Variants in USP9X observed in about 807,000 individuals in gnomAD.
USP9X encodes ubiquitin carboxyl-terminal hydrolase 9X.
A neutral mutation model predicts 190.3 loss-of-function variants in USP9X; 7 were observed. That is an observed-to-expected ratio of 0.04 (90% CI 0.02 to 0.07). The LOEUF is 0.07. Among genes scored for constraint, USP9X ranks in the 10% least tolerant of loss-of-function variants. USP9X has a pLI of 1.00. For synonymous variants in USP9X, 645 were observed against 659.5 expected, an observed-to-expected ratio of 0.98 and a Z score of 0.34; for missense variants, 1,010 against 1,916.9, an observed-to-expected ratio of 0.53 and a Z score of 8.83.
At chrX:41,223,099 T>C (rs1294553800) in intron 38 of USP9X, 118 bp from the exon 39 acceptor site, 1 of 705,747 alleles carries the variant, frequency 1.4e-6, no homozygotes, top group East Asian at 3.6e-5. Flanking sequence ...TCATAAAAAT[T>C]ATAGACAAGA....
At chrX:41,205,600 C>A in intron 32 of USP9X, 107 bp downstream of exon 32, 2 of 714,238 alleles carry the variant, frequency 2.8e-6, no homozygotes, top group African/African-American at 2.3e-5. Flanking sequence ...TTTTTAAGCA[C>A]TGGTAATATT....
In USP9X at chrX:41,168,174, T is replaced by C; in HGVS notation, c.2592T>C (p.Cys864=). 26 of 1,209,176 alleles carry C rather than the reference T, an allele frequency of 2.2e-5. No homozygotes were observed. Among genetic ancestry groups the C allele is most frequent in the Non-Finnish European group, 2.9e-5 (26 of 894,361 alleles). ...TTTTAAGGGAATATATAAATGAATG[T>C]GACAGTGATTATCATGAGGAAAGAA... is the stretch of plus-strand genomic sequence containing the variant. The part of the protein sequence containing the change: ...LTVLREYINE[C]DSDYHEERTI... The change falls in exon 18 of 45, where the codon TGT becomes TGC. Residue 864 remains cysteine, a synonymous_variant. Coordinates refer to ENST00000378308, the MANE Select transcript of USP9X (RefSeq NM_001039591.3).
In USP9X at chrX:41,168,180, T is replaced by C. The variant is rs1248838487; in HGVS notation, c.2598T>C (p.Ser866=). The C allele has an allele frequency of 8.3e-7, 1 of 1,208,665 alleles. No homozygotes were observed. The highest frequency in any genetic ancestry group is 1.8e-5 in the South Asian group (1 of 56,094). Residue 866 remains serine (S), a synonymous_variant, in exon 18 of 45, where the codon AGT becomes AGC. Transcript: ENST00000378308. Reference sequence around the variant, plus strand: ...GGGAATATATAAATGAATGTGACAGTGATTATCATGAGGAAAGAACAATTC... The same window carrying C: ...GGGAATATATAAATGAATGTGACAGCGATTATCATGAGGAAAGAACAATTC... The part of the protein sequence containing the change: ...VLREYINECD[S]DYHEERTILP...
Position 41,198,570 on chromosome X carries a change from C to T in USP9X, c.4423C>T (p.Leu1475=). 8.3e-7 allele frequency: 1 copy of T among 1,208,208 alleles called. No homozygotes were observed. Among genetic ancestry groups the T allele is most frequent in the South Asian group, 1.8e-5 (1 of 56,082 alleles). The change falls in exon 30 of 45, where the codon CTA becomes TTA. Residue 1475 remains leucine (L), a synonymous_variant. Coordinates refer to ENST00000378308, the MANE Select transcript of USP9X (RefSeq NM_001039591.3). ...DFIFPASNVY[L]QYMRNGELPA... ...CATATTTCCTGCATCCAATGTTTAC[C>T]TACAGTATATGAGAAATGGAGAGCT...
chrX:41,130,702 T>C (rs1249758135), intron 3 of USP9X, among the ~76,000 whole-genome samples: 1 of 103,104 alleles, frequency 9.7e-6, no homozygotes, highest in African/African-American at 3.6e-5. Flanking sequence ...GCCAGGATGG[T>C]CTTGATCTCT....
At chrX:41,200,508 T>TA (rs1307595553) in intron 30 of USP9X, among the ~76,000 whole-genome samples, 1 of 111,689 alleles carries the variant, frequency 9.0e-6, no homozygotes, top group Non-Finnish European at 1.9e-5. Context: ...GCATTATAGA[T>TA]ATCAGGAAAG....
chrX:41,199,245 C>T lies in USP9X; in HGVS notation c.4603+495C>T, dbSNP rs752093985. On this transcript the variant is annotated intron_variant, in intron 30 of 44. Transcript: ENST00000378308. ...AATAAGACCATTATAAGCAGACCAC[C>T]TTGTATAGAAAAAAATTCAAACATT... 2.7e-5 allele frequency among the ~76,000 whole-genome samples: 3 copies of T among 111,244 alleles called. No individual in the cohort carries two copies. The East Asian group carries it at 8.5e-4, about 31-fold the overall frequency.
chrX:41,140,968 C>A lies in USP9X; in HGVS notation c.773C>A (p.Pro258Gln). ...NVQIIAALIK[P>Q]FGQCYEFLTL... ...GTTTTGTATCTTTCTTATTTCAGAC[C>A]ATTTGGGCAATGCTATGAGTTTCTC... Residue 258 changes from proline (P) to glutamine (Q), a missense_variant and splice_region_variant, in exon 8 of 45, where the codon CCA (proline) becomes CAA (glutamine). Pro to Gln is a moderately conservative substitution (Grantham distance 76). Around this residue, in one of 11 missense-constraint regions of USP9X, gnomAD observed 176 missense variants for 247.5 expected, o/e 0.71. Coordinates refer to ENST00000378308, the MANE Select transcript of USP9X (RefSeq NM_001039591.3). 8.5e-7 allele frequency: 1 copy of A among 1,172,868 alleles called. No homozygotes were observed. The highest frequency in any genetic ancestry group is 2.0e-5 in the South Asian group (1 of 49,892).
chrX:41,128,761 A>G (rs2062279697), intron 2 of USP9X, among the ~76,000 whole-genome samples: 1 of 111,826 alleles, frequency 8.9e-6, no homozygotes, highest in African/African-American at 3.3e-5. Context: ...TTATTATGCT[A>G]TATTGTTTGG....
At chrX:41,205,519 A>G in intron 32 of USP9X, 26 bp downstream of exon 32, 1 of 1,153,694 alleles carries the variant, frequency 8.7e-7, no homozygotes, top group Non-Finnish European at 1.2e-6. Context: ...ACAGTAATAG[A>G]GATACTTCTT....
At chrX:41,177,615 C>G (rs1029896883) in intron 21 of USP9X, among the ~76,000 whole-genome samples, 6 of 111,964 alleles carry the variant, frequency 5.4e-5, no homozygotes, top group African/African-American at 1.9e-4. Flanking sequence ...TTTGAGACTT[C>G]GTAACTATCT....
chrX:41,106,961 A>G (rs1216105979), intron 1 of USP9X, among the ~76,000 whole-genome samples: 9 of 94,561 alleles, frequency 9.5e-5, no homozygotes, highest in Middle Eastern at 5.3e-3. Flanking sequence ...ATCTCGGCTC[A>G]CTGCAACCTC....
chrX:41,208,815 C>T (rs754683117), intron 32 of USP9X, among the ~76,000 whole-genome samples: 1 of 110,365 alleles, frequency 9.1e-6, no homozygotes, highest in Non-Finnish European at 1.9e-5. Context: ...TCACACCATT[C>T]TCCTGCCTCA....
intron 38 of USP9X, 50 bp from the exon 39 acceptor site, chrX:41,223,167 C>T (rs1431759067): frequency 8.8e-7 from 1 of 1,138,371 alleles, no homozygotes; most frequent in Non-Finnish European, 1.2e-6. Flanking sequence ...ATTTTTTCCT[C>T]ATATTTTTCT....
intron 41 of USP9X, among the ~76,000 whole-genome samples, chrX:41,226,993 C>T (rs952029805): frequency 2.7e-5 from 3 of 111,422 alleles, no homozygotes; most frequent in African/African-American, 6.5e-5. Flanking sequence ...CAGTTTTAAA[C>T]CAGTTAATCA....
chrX:41,153,011 T>C lies in USP9X; in HGVS notation c.1827T>C (p.Asn609=). 8.3e-7 allele frequency: 1 copy of C among 1,210,946 alleles called. No homozygotes were observed. Among genetic ancestry groups the C allele is most frequent in the African/African-American group, 1.7e-5 (1 of 57,787 alleles). The change falls in exon 14 of 45, where the codon AAT becomes AAC. Residue 609 remains asparagine (N), a synonymous_variant. Coordinates refer to ENST00000378308, the MANE Select transcript of USP9X (RefSeq NM_001039591.3). ...RHDLINQLQH[N]HALVTLVAEN... is the part of the protein sequence containing the mutation. ...ACTTAATCAATCAACTTCAACACAA[T>C]CATGCCCTAGTTACTTTGGTAGCAG...
intron 26 of USP9X, among the ~76,000 whole-genome samples, chrX:41,193,136 C>T (rs1383313697): frequency 2.7e-5 from 3 of 110,564 alleles, no homozygotes; most frequent in African/African-American, 9.9e-5. Flanking sequence ...GGAACAGAGG[C>T]GGTAGGGGAC....
At chrX:41,222,023 G>C (rs1425463764) in intron 38 of USP9X, among the ~76,000 whole-genome samples, 2 of 111,573 alleles carry the variant, frequency 1.8e-5, no homozygotes, top group Non-Finnish European at 3.8e-5. Flanking sequence ...ACCATTTACT[G>C]AGGGGAAACA....
Position 41,125,531 on chromosome X carries a change from C to T in USP9X, c.96+1807C>T, listed in dbSNP as rs185600017. 2.3e-3 allele frequency among the ~76,000 whole-genome samples: 244 copies of T among 106,684 alleles called. 1 individual carries two copies. Among genetic ancestry groups the T allele is most frequent in the African/African-American group, 7.7e-3 (223 of 29,127 alleles). 92.6% of individuals were successfully genotyped at this position (106,684 alleles called of 115,157 possible). A position where few individuals can be genotyped will look rare whatever the true frequency, so the allele number is the denominator to read the frequency against. On this transcript the variant is annotated intron_variant, in intron 2 of 44. Coordinates refer to ENST00000378308, the MANE Select transcript of USP9X (RefSeq NM_001039591.3). Reference sequence around the variant, plus strand: ...TTATTATCTTTTTTGTGTCTTGGGGCCTATGGTAATGCCTCCTTATTTCTG... The same window carrying T: ...TTATTATCTTTTTTGTGTCTTGGGGTCTATGGTAATGCCTCCTTATTTCTG...
Sources: allele counts gnomAD v4.1 joint callset (sites outside exome capture counted in the v4.1 genomes callset), GRCh38; gene constraint gnomAD v4.1.1; regional missense constraint gnomAD v4.1.1; transcripts MANE v1.5; gene names NCBI Gene and HGNC (gene_info 2026-07-23, HGNC 2026-07-21).